The following EXT1 variants were observed in gnomAD, a reference collection of about 807,000 sequenced individuals.
The protein encoded by EXT1 is exostosin-1.
In EXT1, 20 loss-of-function variants were observed where a neutral mutation model predicts 82.5. That is an observed-to-expected ratio of 0.24 (90% CI 0.17 to 0.35). The LOEUF (loss-of-function observed/expected upper bound fraction) is 0.35. Ranked by LOEUF, EXT1 falls within the 10% of genes least tolerant of loss-of-function variation. The pLI is 1.00. For synonymous variants in EXT1, 348 were observed against 350.8 expected, an observed-to-expected ratio of 0.99 and a Z score of 0.09; for missense variants, 757 against 936.5, an observed-to-expected ratio of 0.81 and a Z score of 2.50.
chr8:118,029,586 G>A (rs1045444250), intron 1 of EXT1, among the ~76,000 whole-genome samples: 2 of 152,122 alleles, frequency 1.3e-5, no homozygotes, highest in African/African-American at 4.8e-5. Context: ...ACTTCTCCAA[G>A]AGTCAATTTC....
At chr8:117,800,259 T>A (rs540934179) in intron 10 of EXT1, among the ~76,000 whole-genome samples, 5 of 152,222 alleles carry the variant, frequency 3.3e-5, no homozygotes, top group African/African-American at 1.2e-4. Flanking sequence ...AGATTAAAGA[T>A]GTGTTTCTGC....
At chr8:117,825,095 C>T (rs951061497) in intron 4 of EXT1, among the ~76,000 whole-genome samples, 2 of 152,062 alleles carry the variant, frequency 1.3e-5, no homozygotes, top group Non-Finnish European at 2.9e-5. Context: ...TGGACTCAAA[C>T]TCCTGAGCTC....
chr8:118,090,326 G>A (rs1463637665), intron 1 of EXT1, among the ~76,000 whole-genome samples: 1 of 152,052 alleles, frequency 6.6e-6, no homozygotes. Context: ...AGGCCGAGGT[G>A]GGAGGATTGC....
chr8:118,008,393 G>A (rs1413968039), intron 1 of EXT1, among the ~76,000 whole-genome samples: 1 of 152,046 alleles, frequency 6.6e-6, no homozygotes, highest in Non-Finnish European at 1.5e-5. Flanking sequence ...CCAAGTAGCT[G>A]GGATTATAGA....
chr8:118,017,732 T>C (rs1257993243), intron 1 of EXT1, among the ~76,000 whole-genome samples: 3 of 152,222 alleles, frequency 2.0e-5, no homozygotes, highest in Non-Finnish European at 4.4e-5. Context: ...TAAAGCAACA[T>C]AATTCGAGAC....
chr8:117,962,539 G>T (rs957039892), intron 1 of EXT1, among the ~76,000 whole-genome samples: 2 of 152,168 alleles, frequency 1.3e-5, no homozygotes, highest in Non-Finnish European at 2.9e-5. Context: ...GTCACTTGAG[G>T]TCAGGAGTTC....
chr8:118,021,228 A>T (rs1033883016), intron 1 of EXT1, among the ~76,000 whole-genome samples: 1 of 152,228 alleles, frequency 6.6e-6, no homozygotes, highest in Non-Finnish European at 1.5e-5. Context: ...TACGCTTTTC[A>T]TATGGCAGAC....
At chr8:117,856,269 T>C (rs6469712) in intron 1 of EXT1, among the ~76,000 whole-genome samples, 110 of 146,516 alleles carry the variant, frequency 7.5e-4, no homozygotes, top group African/African-American at 2.1e-3. Context: ...TTTTTTTTTG[T>C]GGGGGGACGG....
chr8:118,028,503 A>C (rs2129872754), intron 1 of EXT1, among the ~76,000 whole-genome samples: 1 of 152,240 alleles, frequency 6.6e-6, no homozygotes, highest in South Asian at 2.1e-4. Context: ...AAATGAAATA[A>C]GATATACATA....
At chr8:117,965,535 A>C (rs1377973410) in intron 1 of EXT1, among the ~76,000 whole-genome samples, 1 of 152,164 alleles carries the variant, frequency 6.6e-6, no homozygotes, top group African/African-American at 2.4e-5. Context: ...CAAGGTTTGC[A>C]GATAAATATT....
intron 1 of EXT1, among the ~76,000 whole-genome samples, chr8:117,871,984 T>A (rs1215151880): frequency 6.6e-6 from 1 of 151,834 alleles, no homozygotes; most frequent in Non-Finnish European, 1.5e-5. Flanking sequence ...AAATAATAAT[T>A]AGCTGCATGG....
intron 1 of EXT1, among the ~76,000 whole-genome samples, chr8:117,846,084 G>C (rs1812355066): frequency 6.6e-6 from 1 of 152,124 alleles, no homozygotes; most frequent in Admixed American, 6.5e-5. Flanking sequence ...TGAAAGAGGA[G>C]AGGTTTTGCA....
chr8:118,054,408 A>C (rs1223428293), intron 1 of EXT1, among the ~76,000 whole-genome samples: 1 of 152,158 alleles, frequency 6.6e-6, no homozygotes, highest in African/African-American at 2.4e-5. Context: ...ATTCCAAGTG[A>C]AGTTTTGCCT....
At chr8:118,089,486 A>T (rs1264015406) in intron 1 of EXT1, among the ~76,000 whole-genome samples, 1 of 152,194 alleles carries the variant, frequency 6.6e-6, no homozygotes, top group East Asian at 1.9e-4. Flanking sequence ...CTATGCCATG[A>T]TCCTGTTTTC....
intron 1 of EXT1, among the ~76,000 whole-genome samples, chr8:117,854,228 A>G (rs1475042676): frequency 6.6e-6 from 1 of 152,246 alleles, no homozygotes; most frequent in Non-Finnish European, 1.5e-5. Flanking sequence ...AGGAAAAGCC[A>G]CAACTGGGCT....
Position 118,111,083 on chromosome 8 carries a change from C to T in EXT1, c.-37G>A. 1 of 1,553,438 alleles carries T rather than the reference C, an allele frequency of 6.4e-7. No homozygotes were observed. Among genetic ancestry groups the T allele is most frequent in the Non-Finnish European group, 8.7e-7 (1 of 1,155,928 alleles). ...GGGTCAAGAGGATTGTAAATAAACA[C>T]AAGAATCACCCAAGTTTCCCAATCA... On this transcript the variant is annotated 5_prime_UTR_variant, in exon 1 of 11. It adds an upstream start codon to the 5' untranslated region. Transcript: ENST00000378204.
chr8:117,907,824 G>A (rs1056891418), intron 1 of EXT1, among the ~76,000 whole-genome samples: 19 of 151,964 alleles, frequency 1.3e-4, no homozygotes, highest in Non-Finnish European at 2.6e-4. Flanking sequence ...TTTTTGAAGC[G>A]ATCTATAAAG....
At chr8:118,074,044 C>T (rs1422770124) in intron 1 of EXT1, among the ~76,000 whole-genome samples, 1 of 147,978 alleles carries the variant, frequency 6.8e-6, no homozygotes, top group Admixed American at 6.8e-5. Flanking sequence ...AGCACAAGAG[C>T]GGACAAAGAA....
At chr8:117,871,214 GTGTTTTCA>G (rs1354496498) in intron 1 of EXT1, among the ~76,000 whole-genome samples, 13 of 152,160 alleles carry the variant, frequency 8.5e-5, no homozygotes, top group African/African-American at 2.9e-4. Context: ...AACCCTAATA[GTGTTTTCA>G]TTATTTTACA....
Sources: gnomAD v4.1 joint callset for allele counts (sites outside exome capture counted in the v4.1 genomes callset) on GRCh38, gnomAD v4.1.1 for gene constraint, MANE v1.5 for transcripts, NCBI Gene and HGNC (gene_info 2026-07-23, HGNC 2026-07-21) for gene names.